Variants in ANKRD30B observed in about 807,000 individuals in gnomAD.
ANKRD30B encodes ankyrin repeat domain-containing protein 30B.
ANKRD30B carries 144 observed loss-of-function variants against 202.2 expected under a neutral mutation model. The ratio of observed to expected loss-of-function variants is 0.71; its 90% confidence interval spans 0.62 to 0.82. The LOEUF (loss-of-function observed/expected upper bound fraction) is 0.82, where lower values mean the gene tolerates loss of function less well. Ranked by LOEUF, ANKRD30B falls within the 40% of genes least tolerant of loss-of-function variation. The probability of loss-of-function intolerance (pLI) is 0.00; values close to 1 mark genes in which losing one functional copy is unlikely to be tolerated. For synonymous variants in ANKRD30B, 508 were observed against 561.3 expected, an observed-to-expected ratio of 0.91 and a Z score of 1.34; for missense variants, 1,487 against 1,669.1, an observed-to-expected ratio of 0.89 and a Z score of 1.90.
At chr18:14,917,232 G>C in the ANKRD30B span, among the ~76,000 whole-genome samples, 1 of 152,086 alleles carries the variant, frequency 6.6e-6, no homozygotes, top group Non-Finnish European at 1.5e-5. Flanking sequence ...TTCTCTAACT[G>C]AAATACTTGT....
the ANKRD30B span, among the ~76,000 whole-genome samples, chr18:14,912,783 A>G: frequency 9.9e-5 from 15 of 152,242 alleles, no homozygotes; most frequent in African/African-American, 3.4e-4. Context: ...TAGTGATTCC[A>G]TAAAATTACT....
chr18:14,857,561 T>A (rs1187118248), downstream of ANKRD30B, among the ~76,000 whole-genome samples: 1 of 216 alleles, frequency 4.6e-3, no homozygotes, highest in African/African-American at 5.1e-3. Flanking sequence ...TGGGGCGGGC[T>A]GGCAGAGGCG....
the ANKRD30B span, among the ~76,000 whole-genome samples, chr18:14,906,247 T>G: frequency 2.0e-5 from 3 of 152,154 alleles, no homozygotes; most frequent in African/African-American, 7.2e-5. Context: ...TGCCTCTCCC[T>G]TCCACTCTAT....
At chr18:14,757,002 G>A (rs188066887) in intron 4 of ANKRD30B, among the ~76,000 whole-genome samples, 1 of 152,088 alleles carries the variant, frequency 6.6e-6, no homozygotes, top group Non-Finnish European at 1.5e-5. Context: ...ATTAATTTTA[G>A]GTTATCCCTA....
chr18:14,767,198 C>T (rs765223039), intron 7 of ANKRD30B, among the ~76,000 whole-genome samples: 1 of 152,102 alleles, frequency 6.6e-6, no homozygotes, highest in Admixed American at 6.5e-5. Flanking sequence ...GAGTGGAGAT[C>T]TGTGTTGTGT....
At chr18:14,938,166 G>T in the ANKRD30B span, among the ~76,000 whole-genome samples, 3 of 152,164 alleles carry the variant, frequency 2.0e-5, no homozygotes, top group Non-Finnish European at 4.4e-5. Flanking sequence ...ACACACAACC[G>T]TGGCTGGTGT....
chr18:14,932,683 G>A, the ANKRD30B span, among the ~76,000 whole-genome samples: 1 of 152,036 alleles, frequency 6.6e-6, no homozygotes, highest in Non-Finnish European at 1.5e-5. Context: ...GTATGTTCTG[G>A]GACCCAAGTC....
chr18:14,797,105 C>T (rs1199442904), intron 18 of ANKRD30B, among the ~76,000 whole-genome samples: 1 of 152,014 alleles, frequency 6.6e-6, no homozygotes, highest in Non-Finnish European at 1.5e-5. Context: ...ACTGGGTAGA[C>T]CAGAAATTCT....
chr18:14,846,437 G>C (rs1319660838), intron 39 of ANKRD30B, among the ~76,000 whole-genome samples: 1 of 151,500 alleles, frequency 6.6e-6, no homozygotes, highest in Non-Finnish European at 1.5e-5. Flanking sequence ...TATAGTCCTT[G>C]AGTACTTCTG....
chr18:14,897,589 TAA>T, the ANKRD30B span, among the ~76,000 whole-genome samples: 1 of 151,906 alleles, frequency 6.6e-6, no homozygotes, highest in Non-Finnish European at 1.5e-5. Flanking sequence ...ATTTAATAAA[TAA>T]AGTTAGCATA....
the ANKRD30B span, among the ~76,000 whole-genome samples, chr18:14,871,555 T>G: frequency 2.0e-5 from 3 of 151,454 alleles, no homozygotes; most frequent in African/African-American, 7.3e-5. Context: ...CCTGTTGCAT[T>G]GGTCCTCAGG....
chr18:14,808,175 T>G, intron 24 of ANKRD30B, among the ~76,000 whole-genome samples: 1 of 150,594 alleles, frequency 6.6e-6, no homozygotes, highest in Non-Finnish European at 1.5e-5. Flanking sequence ...ATTCTACCAT[T>G]ACCTAGGACT....
At chr18:14,826,591 T>C (rs1970668001) in intron 32 of ANKRD30B, among the ~76,000 whole-genome samples, 1 of 151,478 alleles carries the variant, frequency 6.6e-6, no homozygotes, top group Admixed American at 6.6e-5. Context: ...AACCTAAGGG[T>C]CATGTGTGAG....
At chr18:14,858,761 G>A (rs1203434551), downstream of ANKRD30B, among the ~76,000 whole-genome samples, 3 of 140,830 alleles carry the variant, frequency 2.1e-5, no homozygotes, top group African/African-American at 7.8e-5. Flanking sequence ...CCTCCCAGGG[G>A]GGGCAGCCAG....
intron 22 of ANKRD30B, 44 bp downstream of exon 22, chr18:14,799,339 A>G (rs914576704): frequency 8.3e-6 from 12 of 1,448,456 alleles, no homozygotes; most frequent in Non-Finnish European, 1.0e-5. Flanking sequence ...TAAGAATATT[A>G]AACTATTTGA....
the ANKRD30B span, chr18:14,889,887 A>T: frequency 2.0e-6 from 1 of 489,770 alleles, no homozygotes; most frequent in Non-Finnish European, 3.6e-6. Flanking sequence ...TATATTACAC[A>T]GTTGGAGATA....
intron 22 of ANKRD30B, among the ~76,000 whole-genome samples, chr18:14,800,031 GACGAGCCTGGTCA>G (rs1969211516): frequency 6.6e-6 from 1 of 151,802 alleles, no homozygotes; most frequent in Non-Finnish European, 1.5e-5. Flanking sequence ...AGGAGTCGCA[GACGAGCCTGGTCA>G]ACACAGTGAA....
chr18:14,931,296 C>A, the ANKRD30B span, among the ~76,000 whole-genome samples: 1 of 152,194 alleles, frequency 6.6e-6, no homozygotes, highest in Non-Finnish European at 1.5e-5. Context: ...GGAAATGTGA[C>A]TTACCCAAGG....
At chr18:14,862,671 C>T in the ANKRD30B span, among the ~76,000 whole-genome samples, 140 of 152,322 alleles carry the variant, frequency 9.2e-4, no homozygotes, top group Middle Eastern at 6.8e-3. Flanking sequence ...GGGGCCGCCA[C>T]CTCGAGATCC....
Sources: gnomAD v4.1 joint callset for allele counts (sites outside exome capture counted in the v4.1 genomes callset) on GRCh38, gnomAD v4.1.1 for gene constraint, MANE v1.5 for transcripts, NCBI Gene and HGNC (gene_info 2026-07-23, HGNC 2026-07-21) for gene names.